Variants in TSC22D1 observed in about 807,000 individuals in gnomAD.
TSC22D1 encodes TSC22 domain family member 1.
A neutral mutation model predicts 74.2 loss-of-function variants in TSC22D1; 9 were observed. That is an observed-to-expected ratio of 0.12 (90% confidence interval 0.07 to 0.21). The LOEUF is 0.21. TSC22D1 is among the 10% of genes least tolerant of loss of function. The pLI, the probability that TSC22D1 is intolerant of heterozygous loss-of-function variation, is 1.00. For synonymous variants in TSC22D1, 586 were observed against 492.5 expected (o/e 1.19, Z -2.51); for missense variants, 1,427 against 1,304.7 (o/e 1.09, Z -1.44).
chr13:44,453,203 G>C (rs1205792279), intron 1 of TSC22D1, among the ~76,000 whole-genome samples: 1 of 152,160 alleles, frequency 6.6e-6, no homozygotes, highest in Non-Finnish European at 1.5e-5. Flanking sequence ...GCCCCAAACT[G>C]TTCTGTTAAG....
In TSC22D1 at chr13:44,574,948, G is replaced by A. The variant is rs1174222436; in HGVS notation, c.1127C>T (p.Ala376Val). The change falls in exon 1 of 3, where the codon GCT (alanine) becomes GTT (valine). Residue 376 changes from alanine (A) to valine (V), a missense_variant. Physicochemically the swap from Ala to Val is moderately conservative, Grantham distance 64 (BLOSUM62 0). Around this residue, in one of 3 missense-constraint regions of TSC22D1, gnomAD observed 1,343 missense variants for 1,191.5 expected, o/e 1.13. Transcript: ENST00000458659. ...GMGNGTISSSAAVSSVPNAAA... is the reference protein window; with the variant it reads ...GMGNGTISSSVAVSSVPNAAA... The stretch of plus-strand genomic sequence containing the variant: ...TGCATTAGGAACACTGCTAACAGCA[G>A]CAGAGGAAGAAATAGTACCATTGCC... 6.2e-7 allele frequency: 1 copy of A among 1,613,996 alleles called. No individual in the cohort carries two copies. The highest frequency in any genetic ancestry group is 2.2e-5 in the East Asian group (1 of 44,896).
intron 1 of TSC22D1, among the ~76,000 whole-genome samples, chr13:44,548,051 T>G (rs180945723): frequency 7.2e-5 from 11 of 152,322 alleles, no homozygotes; most frequent in Non-Finnish European, 1.3e-4. Context: ...CAACTTTACT[T>G]GATAAGGAAA....
intron 1 of TSC22D1, among the ~76,000 whole-genome samples, chr13:44,444,278 C>CAAAAAAAAAAAAAAAAAAAAAAAA (rs71070905): frequency 1.1e-4 from 2 of 17,580 alleles, no homozygotes; most frequent in African/African-American, 2.4e-4. Context: ...GACTCTGTCT[C>CAAAAAAAAAAAAAAAAAAAAAAAA]AAAAAAAAAA....
intron 1 of TSC22D1, among the ~76,000 whole-genome samples, chr13:44,507,679 T>C (rs948643811): frequency 3.9e-5 from 6 of 152,238 alleles, no homozygotes; most frequent in African/African-American, 7.2e-5. Flanking sequence ...AAGTATTTCA[T>C]ATGAAAACAA....
At chr13:44,448,624 T>G (rs1358631670) in intron 1 of TSC22D1, among the ~76,000 whole-genome samples, 1 of 152,188 alleles carries the variant, frequency 6.6e-6, no homozygotes, top group African/African-American at 2.4e-5. Flanking sequence ...AAGGGACACA[T>G]TTCTACATTA....
chr13:44,518,692 T>G (rs1880167255), intron 1 of TSC22D1, among the ~76,000 whole-genome samples: 1 of 152,222 alleles, frequency 6.6e-6, no homozygotes, highest in African/African-American at 2.4e-5. Flanking sequence ...AATTACTGGT[T>G]TTTTATCTTA....
At chr13:44,542,744 ACT>A (rs1358623742) in intron 1 of TSC22D1, among the ~76,000 whole-genome samples, 2 of 152,034 alleles carry the variant, frequency 1.3e-5, no homozygotes, top group Non-Finnish European at 2.9e-5. Context: ...ATTTATGAAG[ACT>A]CTGAATTTGA....
In TSC22D1 at chr13:44,575,695, G is replaced by A. The variant is rs774319567; in HGVS notation, c.380C>T (p.Ser127Phe). The change falls in exon 1 of 3, where the codon TCT becomes TTT. Residue 127 changes from serine (S) to phenylalanine (F), a missense_variant. Ser to Phe is a radical substitution (Grantham distance 155). Coordinates refer to ENST00000458659, the MANE Select transcript of TSC22D1 (RefSeq NM_183422.4). The part of the protein sequence containing the change: ...TPAQISASIS[S>F]NNSIAEDTES... ...AGTGTCCTCTGCTATACTGTTGTTA[G>A]AGCTGATACTAGCGGAGATCTGAGC... 52 of 1,614,094 alleles carry A rather than the reference G, an allele frequency of 3.2e-5. No homozygotes were observed. Among genetic ancestry groups the A allele is most frequent in the Non-Finnish European group, 4.1e-5 (48 of 1,180,048 alleles).
At chr13:44,511,108 C>T (rs999440035) in intron 1 of TSC22D1, among the ~76,000 whole-genome samples, 1 of 152,022 alleles carries the variant, frequency 6.6e-6, no homozygotes, top group South Asian at 2.1e-4. Flanking sequence ...CGGCAAAACC[C>T]TATCTCTACA....
intron 1 of TSC22D1, among the ~76,000 whole-genome samples, chr13:44,441,769 T>A (rs917971345): frequency 2.0e-5 from 3 of 152,108 alleles, no homozygotes; most frequent in African/African-American, 7.2e-5. Context: ...GATTAAAAAA[T>A]TTAAATAAAA....
chr13:44,533,248 G>T (rs1200005253), intron 1 of TSC22D1, among the ~76,000 whole-genome samples: 19 of 151,796 alleles, frequency 1.3e-4, no homozygotes, highest in Admixed American at 1.2e-3. Flanking sequence ...ATCACTTGAG[G>T]TCAGGAGTTC....
chr13:44,551,266 G>A (rs1882219388), intron 1 of TSC22D1, among the ~76,000 whole-genome samples: 1 of 151,554 alleles, frequency 6.6e-6, no homozygotes, highest in African/African-American at 2.4e-5. Context: ...GCAAGACCCT[G>A]TCTCAAAAAC....
At chr13:44,440,865 T>C (rs999624812) in intron 1 of TSC22D1, among the ~76,000 whole-genome samples, 1 of 151,922 alleles carries the variant, frequency 6.6e-6, no homozygotes, top group Non-Finnish European at 1.5e-5. Context: ...AGCTTCCAAA[T>C]GGAAGAAACA....
At chr13:44,480,991 A>G (rs1878151483) in intron 1 of TSC22D1, among the ~76,000 whole-genome samples, 1 of 152,202 alleles carries the variant, frequency 6.6e-6, no homozygotes, top group South Asian at 2.1e-4. Flanking sequence ...TACTATAAAA[A>G]GAAGGGAGGC....
rs771142819 is a variant in TSC22D1 at position 44,573,359 on chromosome 13, T to C, written c.2716A>G (p.Ile906Val). Residue 906 changes from isoleucine (I) to valine (V), a missense_variant, in exon 1 of 3, where the codon ATT becomes GTT. Physicochemically the swap from Ile to Val is conservative, Grantham distance 29 (BLOSUM62 3). This residue lies in a region of TSC22D1 where 1,343 missense variants were observed against 1,191.5 expected (regional missense o/e 1.13). Coordinates refer to ENST00000458659, the MANE Select transcript of TSC22D1 (RefSeq NM_183422.4). Reference protein sequence around the residue: ...QFSAQSLAQAIGSQIEDARRA... With the variant: ...QFSAQSLAQAVGSQIEDARRA... ...CTGGCATCTTCAATTTGGCTTCCAA[T>C]TGCCTGAGCTAATGATTGTGCGGAG... The C allele has an allele frequency of 2.1e-5, 34 of 1,614,272 alleles. No individual in the cohort carries two copies. In the South Asian group the frequency reaches 3.5e-4, roughly 17 times the overall value.
At chr13:44,560,572 T>C (rs931124656) in intron 1 of TSC22D1, among the ~76,000 whole-genome samples, 4 of 152,194 alleles carry the variant, frequency 2.6e-5, no homozygotes, top group African/African-American at 9.7e-5. Context: ...ATGTTAAGAA[T>C]GTCTTAGAGA....
intron 1 of TSC22D1, among the ~76,000 whole-genome samples, chr13:44,551,305 C>T (rs879496025): frequency 1.8e-5 from 2 of 108,382 alleles, no homozygotes; most frequent in African/African-American, 3.6e-5. Context: ...CCCCAATCAG[C>T]TGGGGGTGTG....
intron 1 of TSC22D1, among the ~76,000 whole-genome samples, chr13:44,456,221 C>G (rs1876625116): frequency 6.6e-6 from 1 of 152,318 alleles, no homozygotes; most frequent in South Asian, 2.1e-4. Context: ...AGTAAAACAA[C>G]AAAGCTTCCA....
intron 1 of TSC22D1, among the ~76,000 whole-genome samples, chr13:44,443,248 C>A (rs1344069413): frequency 6.6e-6 from 1 of 151,734 alleles, no homozygotes; most frequent in Non-Finnish European, 1.5e-5. Flanking sequence ...AGAATGATAG[C>A]CGACTTCTGG....
Sources: allele counts gnomAD v4.1 joint callset (sites outside exome capture counted in the v4.1 genomes callset), GRCh38; gene constraint gnomAD v4.1.1; regional missense constraint gnomAD v4.1.1; transcripts MANE v1.5; gene names NCBI Gene and HGNC (gene_info 2026-07-23, HGNC 2026-07-21).